Variants in ACSS2 observed in about 807,000 individuals in gnomAD.
The protein encoded by ACSS2 is acyl-CoA synthetase short chain family member 2.
A neutral mutation model predicts 90.6 loss-of-function variants in ACSS2; 58 were observed. That is an observed-to-expected ratio of 0.64 (90% CI 0.52 to 0.80). The LOEUF (loss-of-function observed/expected upper bound fraction) is 0.80. ACSS2 is among the 30% of genes least tolerant of loss of function. The pLI, the probability that ACSS2 is intolerant of heterozygous loss-of-function variation, is 0.00. For missense variants in ACSS2, 759 were observed against 912.0 expected (o/e 0.83, Z 2.16); for synonymous variants, 300 against 330.9 (o/e 0.91, Z 1.01).
intron 2 of ACSS2, among the ~76,000 whole-genome samples, chr20:34,910,187 T>C (rs1380953933): frequency 6.6e-6 from 1 of 152,144 alleles, no homozygotes; most frequent in Non-Finnish European, 1.5e-5. Flanking sequence ...CAAATTTTGG[T>C]CTTCAATGAT....
At chr20:34,888,067 C>CATAAA (rs2080242662) in intron 2 of ACSS2, among the ~76,000 whole-genome samples, 1 of 62,518 alleles carries the variant, frequency 1.6e-5, no homozygotes, top group African/African-American at 6.5e-5. Flanking sequence ...AAGACTCCAT[C>CATAAA]AAAAAAAAAA....
intron 2 of ACSS2, among the ~76,000 whole-genome samples, chr20:34,883,657 C>T (rs2080121550): frequency 6.6e-6 from 1 of 152,098 alleles, no homozygotes; most frequent in African/African-American, 2.4e-5. Flanking sequence ...TATAGGTGAA[C>T]AAATGAAGCA....
chr20:34,897,909 C>T (rs1555882199), intron 2 of ACSS2, among the ~76,000 whole-genome samples: 1 of 152,132 alleles, frequency 6.6e-6, no homozygotes, highest in Non-Finnish European at 1.5e-5. Context: ...CATTGTATAA[C>T]TGTATCACAT....
chr20:34,886,167 A>G (rs1237514082), intron 2 of ACSS2, among the ~76,000 whole-genome samples: 1 of 152,122 alleles, frequency 6.6e-6, no homozygotes, highest in East Asian at 1.9e-4. Flanking sequence ...ACGATAGATA[A>G]GAATTTAGTT....
chr20:34,912,660 T>C (rs2080988397), intron 2 of ACSS2: 1 of 192,036 alleles, frequency 5.2e-6, no homozygotes, highest in African/African-American at 2.4e-5. Flanking sequence ...GTGATTCTAA[T>C]TCAGTATGTT....
At chr20:34,887,676 GGTT>G (rs751921047) in intron 2 of ACSS2, among the ~76,000 whole-genome samples, 3 of 152,182 alleles carry the variant, frequency 2.0e-5, no homozygotes, top group Non-Finnish European at 4.4e-5. Context: ...AGGAGGCAGA[GGTT>G]GTAGTGAGCC....
intron 2 of ACSS2, among the ~76,000 whole-genome samples, chr20:34,911,567 GC>G (rs2080959803): frequency 6.6e-6 from 1 of 151,620 alleles, no homozygotes; most frequent in Non-Finnish European, 1.5e-5. Flanking sequence ...CAATAGATGG[GC>G]CCACTTTGGC....
intron 12 of ACSS2, 48 bp from the exon 13 acceptor site, chr20:34,921,738 G>A: frequency 6.2e-7 from 1 of 1,609,740 alleles, no homozygotes; most frequent in East Asian, 2.2e-5. Flanking sequence ...AGTTGAGTCA[G>A]AGTTGCCTCA....
chr20:34,917,650 G>A (rs551276608), intron 7 of ACSS2, among the ~76,000 whole-genome samples: 1 of 152,148 alleles, frequency 6.6e-6, no homozygotes, highest in Non-Finnish European at 1.5e-5. Flanking sequence ...GAACATACAA[G>A]AATCTAATTA....
intron 2 of ACSS2, 32 bp from the exon 3 acceptor site, chr20:34,913,064 C>T (rs1011058044): frequency 2.0e-5 from 30 of 1,535,532 alleles, no homozygotes; most frequent in Non-Finnish European, 2.5e-5. Context: ...AAGTTATACC[C>T]CTAATCACTG....
intron 13 of ACSS2, chr20:34,922,132 C>G (rs891379587): frequency 3.4e-6 from 2 of 592,756 alleles, no homozygotes; most frequent in Non-Finnish European, 4.8e-6. Flanking sequence ...AAGACTAAGT[C>G]CCATCTTCTT....
chr20:34,890,635 C>A (rs1475836613), intron 2 of ACSS2, among the ~76,000 whole-genome samples: 7 of 152,148 alleles, frequency 4.6e-5, no homozygotes, highest in Non-Finnish European at 1.5e-5. Flanking sequence ...GTAACCAAAG[C>A]CCAACACATT....
At chr20:34,921,200 G>A (rs2081188649) in intron 10 of ACSS2, 61 bp downstream of exon 10, 1 of 1,611,736 alleles carries the variant, frequency 6.2e-7, no homozygotes, top group Non-Finnish European at 8.5e-7. Context: ...GCTGGCCTTT[G>A]TACAGTCTCT....
chr20:34,899,423 T>TTTCTCTTTCCTTCCTTCC (rs1491564858), intron 2 of ACSS2, among the ~76,000 whole-genome samples: 10 of 113,022 alleles, frequency 8.8e-5, no homozygotes, highest in African/African-American at 2.5e-4. Context: ...TCTTTCTTTC[T>TTTCTCTTTCCTTCCTTCC]TTCCTTCCTT....
At chr20:34,875,174 T>G (rs546202887), upstream of ACSS2, 7 of 534,494 alleles carry the variant, frequency 1.3e-5, no homozygotes, top group Non-Finnish European at 2.7e-5. Flanking sequence ...GACTTCTTTC[T>G]GGGGTGGAGG....
chr20:34,919,584 T>A lies in ACSS2; in HGVS notation c.972+12T>A, dbSNP rs1300821282. 2.0e-6 allele frequency: 2 copies of A among 1,016,518 alleles called. No homozygotes were observed. The highest frequency in any genetic ancestry group is 2.7e-6 in the Non-Finnish European group (2 of 737,810). 63.0% of individuals were successfully genotyped at this position (1,016,518 alleles called of 1,614,324 possible). A position where few individuals can be genotyped will look rare whatever the true frequency, so the allele number is the denominator to read the frequency against. ...CAGGCAAACCCAAGGCAAGTGTGTG[T>A]GTGTGTGTGTGTGTGTGTGTGTGTG... On this transcript the variant is annotated intron_variant, in intron 8 of 17. Transcript: ENST00000360596.
chr20:34,902,932 T>C (rs1350334834), intron 2 of ACSS2, among the ~76,000 whole-genome samples: 1 of 149,168 alleles, frequency 6.7e-6, no homozygotes, highest in Non-Finnish European at 1.5e-5. Context: ...AGCATTTCGC[T>C]ATGTTGCCCA....
chr20:34,913,262 G>A (rs2081003396), intron 3 of ACSS2, 75 bp downstream of exon 3: 4 of 1,568,800 alleles, frequency 2.5e-6, no homozygotes, highest in African/African-American at 1.4e-5. Flanking sequence ...TATGGGGAGA[G>A]GGCAAGGGAT....
chr20:34,925,197 C>T (rs1280395627), intron 14 of ACSS2, among the ~76,000 whole-genome samples: 2 of 152,126 alleles, frequency 1.3e-5, no homozygotes, highest in South Asian at 2.1e-4. Flanking sequence ...CTGGGTAGTT[C>T]TCATTCTGGG....
Sources: allele counts gnomAD v4.1 joint callset (sites outside exome capture counted in the v4.1 genomes callset), GRCh38; gene constraint gnomAD v4.1.1; transcripts MANE v1.5; gene names NCBI Gene and HGNC (gene_info 2026-07-23, HGNC 2026-07-21).